The following TTC27 variants were observed in gnomAD, a reference collection of about 807,000 sequenced individuals.
TTC27 encodes the protein tetratricopeptide repeat protein 27.
Under a neutral mutation model 115.9 loss-of-function variants are expected in TTC27, and 79 were observed. The ratio of observed to expected loss-of-function variants is 0.68; its 90% CI spans 0.57 to 0.82. TTC27 has a LOEUF of 0.82. TTC27 is among the 40% of genes least tolerant of loss of function. TTC27 has a pLI of 0.00. For synonymous variants in TTC27, 401 were observed against 356.0 expected (o/e 1.13, Z -1.42); for missense variants, 1,054 against 993.1 (o/e 1.06, Z -0.82).
Position 32,811,079 on chromosome 2 carries a change from A to T in TTC27, c.2054A>T (p.Asp685Val). The change falls in exon 17 of 20, where the codon GAT becomes GTT. Residue 685 changes from aspartate to valine, a missense_variant. Asp to Val is a radical substitution (Grantham distance 152, BLOSUM62 -3). Transcript: ENST00000317907. ...VIDGMTDRSG[D>V]VATGLKGKLQ... The stretch of plus-strand genomic sequence containing the variant: ...GATGGGATGACTGATCGAAGTGGAG[A>T]TGTTGCAACTGGCCTCAAAGGAAAG... 1 of 1,614,134 alleles carries T rather than the reference A, an allele frequency of 6.2e-7. No homozygotes were observed. The highest frequency in any genetic ancestry group is 8.5e-7 in the Non-Finnish European group (1 of 1,180,014).
At position 32,640,427 on chromosome 2, in the gene TTC27, T is replaced by C. The variant is rs571528189; in HGVS notation, c.537+17T>C. 3.7e-6 allele frequency: 6 copies of C among 1,610,848 alleles called. No individual in the cohort carries two copies. In the South Asian group the frequency reaches 4.4e-5, roughly 12 times the overall value. On this transcript the variant is annotated intron_variant, in intron 4 of 19. Coordinates refer to ENST00000317907, the MANE Select transcript of TTC27 (RefSeq NM_017735.5). ...GCTATTCAGGTAAGGAAAGGATCCA[T>C]GAGATTCATACCCTGGTATGACTTT... is the stretch of plus-strand genomic sequence containing the variant.
intron 16 of TTC27, among the ~76,000 whole-genome samples, chr2:32,802,302 T>A (rs1366569210): frequency 6.9e-6 from 1 of 144,732 alleles, no homozygotes; most frequent in Non-Finnish European, 1.5e-5. Flanking sequence ...AAGTTACCAA[T>A]TTTTTTAACT....
At chr2:32,635,491 C>T (rs1464662022) in intron 3 of TTC27, among the ~76,000 whole-genome samples, 2 of 152,014 alleles carry the variant, frequency 1.3e-5, no homozygotes, top group Non-Finnish European at 2.9e-5. Flanking sequence ...TCAAGACCAG[C>T]CTGATCAACA....
intron 19 of TTC27, among the ~76,000 whole-genome samples, chr2:32,819,551 C>T (rs1451480237): frequency 6.6e-6 from 1 of 152,082 alleles, no homozygotes; most frequent in Non-Finnish European, 1.5e-5. Context: ...TGTTAAATTG[C>T]TTGCAGCCTA....
chr2:32,703,374 G>A (rs1333233678), intron 10 of TTC27, among the ~76,000 whole-genome samples: 2 of 152,150 alleles, frequency 1.3e-5, no homozygotes, highest in African/African-American at 4.8e-5. Context: ...GGCTGAGGCA[G>A]GAGAATCGCT....
chr2:32,694,265 A>G (rs189164818), intron 9 of TTC27, among the ~76,000 whole-genome samples: 2 of 152,366 alleles, frequency 1.3e-5, no homozygotes, highest in Non-Finnish European at 2.9e-5. Context: ...TGGGAGAAAT[A>G]AATAATTGAA....
At chr2:32,766,457 TTG>T (rs1558332969) in intron 13 of TTC27, 1 of 444,014 alleles carries the variant, frequency 2.3e-6, no homozygotes, top group Non-Finnish European at 4.6e-6. Context: ...TTCAATATTG[TTG>T]TGTCTTAGGG....
chr2:32,735,851 T>A (rs879577493), intron 11 of TTC27, among the ~76,000 whole-genome samples: 9 of 152,032 alleles, frequency 5.9e-5, no homozygotes, highest in Non-Finnish European at 1.3e-4. Flanking sequence ...GTTACTGATG[T>A]ATTGGATCAT....
At chr2:32,652,723 C>T (rs1440449740) in intron 5 of TTC27, among the ~76,000 whole-genome samples, 1 of 152,106 alleles carries the variant, frequency 6.6e-6, no homozygotes, top group African/African-American at 2.4e-5. Flanking sequence ...TGCATGATTT[C>T]ATTTTTAAAA....
intron 4 of TTC27, among the ~76,000 whole-genome samples, chr2:32,640,642 G>A (rs1173173919): frequency 2.6e-5 from 4 of 152,138 alleles, no homozygotes; most frequent in South Asian, 2.1e-4. Flanking sequence ...TGTGTGTACT[G>A]TGTAGATATA....
At chr2:32,721,251 G>GAAC (rs1234740431) in intron 10 of TTC27, among the ~76,000 whole-genome samples, 1 of 152,122 alleles carries the variant, frequency 6.6e-6, no homozygotes, top group Non-Finnish European at 1.5e-5. Flanking sequence ...GAATTTTTAA[G>GAAC]AACAGGTCGC....
intron 3 of TTC27, among the ~76,000 whole-genome samples, chr2:32,638,432 G>A (rs1159379239): frequency 6.6e-6 from 1 of 152,080 alleles, no homozygotes; most frequent in Non-Finnish European, 1.5e-5. Context: ...CGGCTGGAGT[G>A]CAGTAGCATG....
At chr2:32,670,428 A>G (rs1159556914) in intron 7 of TTC27, among the ~76,000 whole-genome samples, 1 of 152,156 alleles carries the variant, frequency 6.6e-6, no homozygotes, top group Non-Finnish European at 1.5e-5. Flanking sequence ...CTTTTCTAGA[A>G]TTTCCAATAA....
At chr2:32,717,338 G>A (rs540656671) in intron 10 of TTC27, among the ~76,000 whole-genome samples, 2 of 152,222 alleles carry the variant, frequency 1.3e-5, no homozygotes, top group African/African-American at 2.4e-5. Context: ...TGCTGTGAGT[G>A]TACTGATTAT....
chr2:32,807,472 T>C (rs1017292091), intron 16 of TTC27, among the ~76,000 whole-genome samples: 1 of 152,218 alleles, frequency 6.6e-6, no homozygotes, highest in Non-Finnish European at 1.5e-5. Context: ...CTTCTTCTTA[T>C]CTTTTTATAA....
chr2:32,738,204 C>T lies in TTC27; in HGVS notation c.1452+1388C>T, dbSNP rs1002420777. Among the ~76,000 whole-genome samples, 3 of 152,170 alleles carry T rather than the reference C, an allele frequency of 2.0e-5. No homozygotes were observed. The South Asian group carries it at 6.2e-4, about 32-fold the overall frequency. On this transcript the variant is annotated intron_variant, in intron 12 of 19. Transcript: ENST00000317907. ...TGGCTAAAAGCATATAGCCTCTGGT[C>T]TCTGGCTGCCGGTAGTCAAATGCCA...
intron 9 of TTC27, among the ~76,000 whole-genome samples, chr2:32,680,552 C>A (rs933563009): frequency 1.3e-5 from 2 of 151,860 alleles, no homozygotes; most frequent in African/African-American, 4.8e-5. Flanking sequence ...GAGGGTGACA[C>A]TGAACATAGA....
intron 8 of TTC27, among the ~76,000 whole-genome samples, chr2:32,675,877 C>T (rs964683502): frequency 1.8e-4 from 28 of 151,828 alleles, no homozygotes; most frequent in African/African-American, 4.6e-4. Context: ...CTGCAACCTC[C>T]GACTCCCAGG....
rs201493752 is a variant in TTC27 at position 32,787,035 on chromosome 2, C to T, written c.1884C>T (p.His628=). 2 of 1,613,972 alleles carry T rather than the reference C, an allele frequency of 1.2e-6. No homozygotes were observed. The highest frequency in any genetic ancestry group is 2.7e-5 in the African/African-American group (2 of 74,924). The part of the protein sequence containing the change: ...LQEALKCNYE[H]WQIWENYILT... Reference sequence around the variant, plus strand: ...AAGCTCTCAAGTGTAACTATGAACACTGGCAGATTTGGGAAAACTACATCC... The same window carrying T: ...AAGCTCTCAAGTGTAACTATGAACATTGGCAGATTTGGGAAAACTACATCC... The change falls in exon 16 of 20, where the codon CAC becomes CAT. Residue 628 remains histidine, a synonymous_variant. Transcript: ENST00000317907.
Sources: gnomAD v4.1 joint callset for allele counts (sites outside exome capture counted in the v4.1 genomes callset) on GRCh38, gnomAD v4.1.1 for gene constraint, MANE v1.5 for transcripts, NCBI Gene and HGNC (gene_info 2026-07-23, HGNC 2026-07-21) for gene names.